MYO6: variants seen among roughly 807,000 people sequenced by gnomAD.
MYO6 encodes myosin VI.
In MYO6, 74 loss-of-function variants were observed where a neutral mutation model predicts 178.7. That is an observed-to-expected ratio of 0.41 (90% CI 0.34 to 0.50). MYO6 has a LOEUF of 0.50. Ranked by LOEUF, MYO6 falls within the 20% of genes least tolerant of loss-of-function variation. The pLI is 0.09. For missense variants in MYO6, 1,330 were observed against 1,547.4 expected (o/e 0.86, Z 2.36); for synonymous variants, 477 against 504.6 (o/e 0.95, Z 0.73).
At chr6:75,842,286 A>G (rs1362810469) in intron 9 of MYO6, among the ~76,000 whole-genome samples, 3 of 152,078 alleles carry the variant, frequency 2.0e-5, no homozygotes, top group Non-Finnish European at 4.4e-5. Context: ...GGTTAACACA[A>G]TTTTCAGATT....
At chr6:75,830,922 C>T (rs538104611) in intron 5 of MYO6, among the ~76,000 whole-genome samples, 21 of 152,320 alleles carry the variant, frequency 1.4e-4, no homozygotes, top group African/African-American at 4.8e-4. Context: ...TTCTGGCCTT[C>T]ATCTCTTACC....
At chr6:75,882,922 G>A (rs1326180830) in intron 23 of MYO6, among the ~76,000 whole-genome samples, 1 of 152,130 alleles carries the variant, frequency 6.6e-6, no homozygotes, top group East Asian at 1.9e-4. Context: ...CTGTGATGAT[G>A]AACAAGCTGT....
At chr6:75,898,495 T>A (rs1779482249) in intron 30 of MYO6, 84 bp downstream of exon 30, 2 of 1,139,364 alleles carry the variant, frequency 1.8e-6, no homozygotes, top group Admixed American at 1.7e-5. Flanking sequence ...GACCAGAACC[T>A]GTTACATGAG....
At chr6:75,773,855 A>AT (rs1193584378) in intron 1 of MYO6, among the ~76,000 whole-genome samples, 2 of 152,226 alleles carry the variant, frequency 1.3e-5, no homozygotes, top group Non-Finnish European at 2.9e-5. Flanking sequence ...AAATCAACTT[A>AT]TTTGTTCATT....
intron 3 of MYO6, among the ~76,000 whole-genome samples, chr6:75,825,487 G>T (rs1772374583): frequency 6.6e-6 from 1 of 152,112 alleles, no homozygotes. Context: ...CAACTACTTG[G>T]GAGGCCGAGG....
intron 1 of MYO6, among the ~76,000 whole-genome samples, chr6:75,783,623 TAGTA>T (rs1203810867): frequency 2.0e-5 from 3 of 151,772 alleles, no homozygotes; most frequent in Non-Finnish European, 4.4e-5. Context: ...ATACCATAAT[TAGTA>T]AGGGCCTCGG....
intron 1 of MYO6, among the ~76,000 whole-genome samples, chr6:75,750,704 G>A (rs965895107): frequency 2.6e-5 from 4 of 151,378 alleles, no homozygotes; most frequent in Admixed American, 1.3e-4. Flanking sequence ...TCAGCCGCCC[G>A]AGTGGCTGGG....
intron 1 of MYO6, among the ~76,000 whole-genome samples, chr6:75,787,722 C>A (rs867181330): frequency 6.5e-3 from 187 of 28,932 alleles, no homozygotes; most frequent in African/African-American, 7.0e-3. Flanking sequence ...CTCTCTCTCT[C>A]TCTCTCTCTA....
At chr6:75,876,578 C>A (rs1437592814) in intron 20 of MYO6, among the ~76,000 whole-genome samples, 1 of 152,194 alleles carries the variant, frequency 6.6e-6, no homozygotes, top group Admixed American at 6.5e-5. Context: ...AGTGTCCTGG[C>A]AAGTTGCACC....
chr6:75,833,190 G>T (rs1481636382), intron 6 of MYO6, among the ~76,000 whole-genome samples: 2 of 152,144 alleles, frequency 1.3e-5, no homozygotes, highest in African/African-American at 4.8e-5. Context: ...GTCTTACTGT[G>T]TTGCCTAGGC....
intron 1 of MYO6, among the ~76,000 whole-genome samples, chr6:75,815,914 T>C (rs1194800716): frequency 6.6e-6 from 1 of 152,248 alleles, no homozygotes; most frequent in Admixed American, 6.5e-5. Context: ...TGGGATCATT[T>C]ACCAGATGAT....
intron 1 of MYO6, among the ~76,000 whole-genome samples, chr6:75,754,514 C>T (rs577737424): frequency 9.6e-4 from 33 of 34,324 alleles, no homozygotes; most frequent in Admixed American, 2.9e-3. Context: ...AGTGAGACTC[C>T]GTCTCAAAAA....
chr6:75,857,968 G>A (rs1405517986), intron 13 of MYO6, among the ~76,000 whole-genome samples: 1 of 152,118 alleles, frequency 6.6e-6, no homozygotes, highest in Admixed American at 6.5e-5. Context: ...AAATGTATGA[G>A]TGTTTACATT....
chr6:75,770,115 G>A (rs1765725908), intron 1 of MYO6, among the ~76,000 whole-genome samples: 1 of 152,208 alleles, frequency 6.6e-6, no homozygotes, highest in Non-Finnish European at 1.5e-5. Flanking sequence ...GGCTTCTCTT[G>A]CTTCGTCTTC....
intron 30 of MYO6, among the ~76,000 whole-genome samples, chr6:75,899,082 T>C (rs2149389493): frequency 6.6e-6 from 1 of 152,300 alleles, no homozygotes; most frequent in East Asian, 1.9e-4. Flanking sequence ...TTTACTATTT[T>C]AGTAACTCCA....
At chr6:75,870,904 T>A (rs1777091366) in intron 19 of MYO6, among the ~76,000 whole-genome samples, 1 of 152,138 alleles carries the variant, frequency 6.6e-6, no homozygotes, top group Non-Finnish European at 1.5e-5. Flanking sequence ...ATTTAAAAAT[T>A]AAGATTATCT....
intron 1 of MYO6, among the ~76,000 whole-genome samples, chr6:75,789,305 C>T (rs568224115): frequency 6.6e-6 from 1 of 152,204 alleles, no homozygotes; most frequent in South Asian, 2.1e-4. Flanking sequence ...CAATTTTAAA[C>T]GTGTTAATGT....
chr6:75,896,677 T>C (rs1779337194), intron 29 of MYO6, among the ~76,000 whole-genome samples: 1 of 152,252 alleles, frequency 6.6e-6, no homozygotes, highest in Non-Finnish European at 1.5e-5. Context: ...AAATGGGGCA[T>C]GGAGTAGTTC....
At position 75,866,982 on chromosome 6, in the gene MYO6, C is replaced by T; in HGVS notation, c.1821C>T (p.Ser607=). ...NNDALHMSLE[S]LICESRDKFI... ...ATGCTTTACATATGTCTCTTGAATC[C>T]TTAATATGTGAATCCAGAGATAAGT... Residue 607 remains serine, a synonymous_variant, in exon 18 of 35, where the codon TCC becomes TCT. Coordinates refer to ENST00000369977, the MANE Select transcript of MYO6 (RefSeq NM_004999.4). The T allele has an allele frequency of 6.2e-7, 1 of 1,613,712 alleles. No homozygotes were observed. Among genetic ancestry groups the T allele is most frequent in the Non-Finnish European group, 8.5e-7 (1 of 1,179,752 alleles).
Sources: allele counts gnomAD v4.1 joint callset (sites outside exome capture counted in the v4.1 genomes callset), GRCh38; gene constraint gnomAD v4.1.1; transcripts MANE v1.5; gene names NCBI Gene and HGNC (gene_info 2026-07-23, HGNC 2026-07-21).